FGF12: variants seen among roughly 807,000 people sequenced by gnomAD.
FGF12 encodes the protein fibroblast growth factor 12B.
FGF12 carries 14 observed loss-of-function variants against 23.6 expected under a neutral mutation model. That is an observed-to-expected ratio of 0.59 (90% CI 0.39 to 0.93). The LOEUF (loss-of-function observed/expected upper bound fraction) is 0.93. Ranked by LOEUF, FGF12 falls within the 40% of genes least tolerant of loss-of-function variation. The pLI is 0.00. For synonymous variants in FGF12, 62 were observed against 77.3 expected (o/e 0.80, Z 1.04); for missense variants, 175 against 217.8 (o/e 0.80, Z 1.24).
At chr3:192,617,300 T>G (rs1187040169) in intron 2 of FGF12, among the ~76,000 whole-genome samples, 3 of 149,476 alleles carry the variant, frequency 2.0e-5, no homozygotes, top group Non-Finnish European at 4.5e-5. Context: ...AGATAGCATT[T>G]CCAGGATCCC....
chr3:192,269,217 G>T (rs368569280), intron 4 of FGF12, among the ~76,000 whole-genome samples: 11 of 152,088 alleles, frequency 7.2e-5, no homozygotes, highest in African/African-American at 2.4e-4. Context: ...AACATACTTG[G>T]CCCTACTAAG....
chr3:192,664,052 G>A (rs1267021035), intron 2 of FGF12, among the ~76,000 whole-genome samples: 3 of 152,236 alleles, frequency 2.0e-5, no homozygotes, highest in Non-Finnish European at 4.4e-5. Context: ...GTGTATGGAT[G>A]TGAAGAGTAA....
intron 2 of FGF12, among the ~76,000 whole-genome samples, chr3:192,680,282 C>T (rs1467719805): frequency 2.6e-5 from 4 of 152,098 alleles, no homozygotes; most frequent in African/African-American, 9.7e-5. Context: ...AGATTAATGC[C>T]ATAACCAGGT....
chr3:192,366,392 T>A (rs1285961923), intron 2 of FGF12, among the ~76,000 whole-genome samples: 1 of 152,158 alleles, frequency 6.6e-6, no homozygotes, highest in Non-Finnish European at 1.5e-5. Flanking sequence ...AAAACTATTA[T>A]AACAATAATG....
chr3:192,674,758 TG>T (rs1717262995), intron 2 of FGF12, among the ~76,000 whole-genome samples: 1 of 152,210 alleles, frequency 6.6e-6, no homozygotes, highest in Non-Finnish European at 1.5e-5. Context: ...AAGACTTTAA[TG>T]GAGAAATGCT....
intron 2 of FGF12, among the ~76,000 whole-genome samples, chr3:192,644,879 G>A (rs1410741201): frequency 1.3e-5 from 2 of 152,132 alleles, no homozygotes; most frequent in Non-Finnish European, 2.9e-5. Flanking sequence ...TGAGCATGGT[G>A]GAAGGAAACC....
chr3:192,469,212 T>C (rs1723100586), intron 2 of FGF12, among the ~76,000 whole-genome samples: 2 of 152,184 alleles, frequency 1.3e-5, no homozygotes, highest in South Asian at 4.1e-4. Flanking sequence ...TGGCTCTTTT[T>C]ATGAAAGAAT....
chr3:192,727,481 T>G lies in FGF12; in HGVS notation c.-131+3A>C. On this transcript the variant is annotated splice_donor_region_variant and intron_variant, in intron 1 of 5. Coordinates refer to ENST00000445105, the MANE Select transcript of FGF12 (RefSeq NM_004113.6). ...GCTCAGATTTTTTTTTTTTTTTTTT[T>G]ACCTGGGTCTGGAAGCTGCAGGCAG... 2 of 673,018 alleles carry G rather than the reference T, an allele frequency of 3.0e-6. No individual in the cohort carries two copies. The highest frequency in any genetic ancestry group is 2.4e-6 in the Non-Finnish European group (1 of 425,304). 41.7% of individuals were successfully genotyped at this position (673,018 alleles called of 1,614,324 possible).
chr3:192,709,460 T>G (rs553056676), intron 2 of FGF12, among the ~76,000 whole-genome samples: 2 of 152,288 alleles, frequency 1.3e-5, no homozygotes, highest in East Asian at 3.9e-4. Context: ...TGATTAAAAT[T>G]TCAGTCATAT....
At chr3:192,490,685 T>C (rs1723776464) in intron 2 of FGF12, among the ~76,000 whole-genome samples, 1 of 152,120 alleles carries the variant, frequency 6.6e-6, no homozygotes, top group South Asian at 2.1e-4. Context: ...TAATGTGTGG[T>C]ATGTTTATAG....
chr3:192,699,399 ACAT>A (rs1200753045), intron 2 of FGF12, among the ~76,000 whole-genome samples: 1 of 152,204 alleles, frequency 6.6e-6, no homozygotes, highest in Non-Finnish European at 1.5e-5. Flanking sequence ...TATACTTGAA[ACAT>A]CAGCACCACT....
At chr3:192,626,128 C>T (rs889964042) in intron 2 of FGF12, among the ~76,000 whole-genome samples, 6 of 152,096 alleles carry the variant, frequency 3.9e-5, no homozygotes, top group Admixed American at 2.0e-4. Context: ...AAATGCTCAC[C>T]AAGAATAAGT....
chr3:192,375,139 A>G (rs1719424130), intron 2 of FGF12, among the ~76,000 whole-genome samples: 1 of 152,212 alleles, frequency 6.6e-6, no homozygotes, highest in Non-Finnish European at 1.5e-5. Context: ...CTCATTCAAC[A>G]TTGTATTAAC....
chr3:192,144,263 CT>C, intron 5 of FGF12, 136 bp from the exon 6 acceptor site: 1 of 585,134 alleles, frequency 1.7e-6, no homozygotes, highest in Non-Finnish European at 3.0e-6. Context: ...ACAGTTTTAA[CT>C]TGATAATCAG....
At chr3:192,404,491 T>A (rs1720885115) in intron 2 of FGF12, among the ~76,000 whole-genome samples, 1 of 152,198 alleles carries the variant, frequency 6.6e-6, no homozygotes. Context: ...AGGTTGGACA[T>A]GAATAAGCGT....
intron 2 of FGF12, among the ~76,000 whole-genome samples, chr3:192,383,355 T>G (rs1719907166): frequency 6.6e-6 from 1 of 152,154 alleles, no homozygotes; most frequent in Admixed American, 6.5e-5. Context: ...CTGTTGTGTG[T>G]ACCCTTTATA....
chr3:192,552,781 C>T (rs929568559), intron 2 of FGF12, among the ~76,000 whole-genome samples: 3 of 152,080 alleles, frequency 2.0e-5, no homozygotes, highest in African/African-American at 7.2e-5. Flanking sequence ...ACACCAGCTA[C>T]TCCGGAGGCT....
chr3:192,552,162 A>C (rs1711551923), intron 2 of FGF12, among the ~76,000 whole-genome samples: 1 of 152,140 alleles, frequency 6.6e-6, no homozygotes, highest in Non-Finnish European at 1.5e-5. Flanking sequence ...TGAACAGCAG[A>C]TTAGACACTA....
At chr3:192,222,803 G>A (rs1460644802) in intron 4 of FGF12, among the ~76,000 whole-genome samples, 2 of 152,072 alleles carry the variant, frequency 1.3e-5, no homozygotes, top group African/African-American at 4.8e-5. Flanking sequence ...TCACCAAACC[G>A]AGTGCTCATC....
Sources: allele counts gnomAD v4.1 joint callset (sites outside exome capture counted in the v4.1 genomes callset), GRCh38; gene constraint gnomAD v4.1.1; transcripts MANE v1.5; gene names NCBI Gene and HGNC (gene_info 2026-07-23, HGNC 2026-07-21).